The following EIF2A variants were observed in gnomAD, a reference collection of about 807,000 sequenced individuals.
The protein encoded by EIF2A is eukaryotic translation initiation factor 2A.
A neutral mutation model predicts 75.2 loss-of-function variants in EIF2A; 62 were observed. The observed-to-expected ratio is 0.82, with a 90% CI of 0.67 to 1.02. The LOEUF is 1.02. Ranked by LOEUF, EIF2A falls within the 50% of genes least tolerant of loss-of-function variation. The pLI, the probability that EIF2A is intolerant of heterozygous loss-of-function variation, is 0.00. For missense variants in EIF2A, 611 were observed against 677.7 expected (o/e 0.90, Z 1.09); for synonymous variants, 207 against 239.0 (o/e 0.87, Z 1.23).
At chr3:150,574,840 AGTTATG>A (rs1380593884) in intron 10 of EIF2A, among the ~76,000 whole-genome samples, 1 of 152,248 alleles carries the variant, frequency 6.6e-6, no homozygotes, top group African/African-American at 2.4e-5. Context: ...TGATGTGCTG[AGTTATG>A]GTACAGTCTA....
intron 9 of EIF2A, among the ~76,000 whole-genome samples, chr3:150,570,809 TC>T (rs1242067794): frequency 6.6e-6 from 1 of 151,868 alleles, no homozygotes; most frequent in Non-Finnish European, 1.5e-5. Context: ...ATGCCTGTAA[TC>T]AATCCCAGCA....
At chr3:150,547,881 CAA>C (rs1723128137) in intron 1 of EIF2A, among the ~76,000 whole-genome samples, 2 of 152,080 alleles carry the variant, frequency 1.3e-5, no homozygotes. Flanking sequence ...GTTTAAAAGG[CAA>C]AGTTACATAA....
chr3:150,580,427 C>T (rs1483279073), intron 11 of EIF2A, among the ~76,000 whole-genome samples: 2 of 152,106 alleles, frequency 1.3e-5, no homozygotes, highest in East Asian at 3.8e-4. Context: ...AATATGGTCT[C>T]TCAAAATATC....
intron 4 of EIF2A, 36 bp downstream of exon 4, chr3:150,562,696 G>A (rs777932283): frequency 8.0e-6 from 12 of 1,494,796 alleles, no homozygotes; most frequent in Middle Eastern, 1.7e-4. Flanking sequence ...ACTCTGACAC[G>A]ATCAATTACG....
intron 6 of EIF2A, chr3:150,566,803 T>A (rs891800949): frequency 6.6e-6 from 1 of 152,110 alleles, no homozygotes; most frequent in African/African-American, 2.4e-5. Flanking sequence ...TTAAAAAGGG[T>A]TTGCAGTTCT....
rs751997175 is a variant in EIF2A, at chr3:150,572,130, ATTAG to A, written c.986_989del (p.Leu329TyrfsTer2). 20 of 1,613,842 alleles carry A rather than the reference ATTAG, an allele frequency of 1.2e-5. No individual in the cohort carries two copies. Among genetic ancestry groups the A allele is most frequent in the Non-Finnish European group, 1.7e-5 (20 of 1,179,900 alleles). On this transcript the variant is annotated frameshift_variant, in exon 10 of 14. Transcript: ENST00000460851. LOFTEE classifies it high-confidence loss of function. ...CCTACTATAGCCCTCATGGACATATATTAGTATTAGCTGGATTTGGAAATCTGAG... is the reference window on the plus strand; with the variant it reads ...CCTACTATAGCCCTCATGGACATATATATTAGCTGGATTTGGAAATCTGAG...
chr3:150,551,101 T>C (rs1723292390), intron 1 of EIF2A, among the ~76,000 whole-genome samples: 1 of 152,184 alleles, frequency 6.6e-6, no homozygotes, highest in South Asian at 2.1e-4. Context: ...CCATTGATCC[T>C]TTACATCTCA....
chr3:150,563,295 T>C (rs1368584504), intron 4 of EIF2A, among the ~76,000 whole-genome samples: 1 of 152,184 alleles, frequency 6.6e-6, no homozygotes, highest in Non-Finnish European at 1.5e-5. Flanking sequence ...ATGAATCTAA[T>C]TTTTCCAAGT....
At position 150,584,175 on chromosome 3, in the gene EIF2A, C is replaced by A; in HGVS notation, c.*264C>A. 3.1e-6 allele frequency: 1 copy of A among 322,008 alleles called. No individual in the cohort carries two copies. Among genetic ancestry groups the A allele is most frequent in the Non-Finnish European group, 5.6e-6 (1 of 178,160 alleles). The allele number at this position is 322,008 out of a possible 1,614,324, so 19.9% of individuals were successfully genotyped here. A position where few individuals can be genotyped will look rare whatever the true frequency, so the allele number is the denominator to read the frequency against. On this transcript the variant is annotated 3_prime_UTR_variant, in exon 14 of 14. Transcript: ENST00000460851. ...TAGCTAAGCTTGACAGATTGAAAGA[C>A]AAGTGTCATTTTTTTTTGTAGAGGG...
chr3:150,556,686 T>A (rs1174730035), intron 2 of EIF2A, among the ~76,000 whole-genome samples: 2 of 152,204 alleles, frequency 1.3e-5, no homozygotes, highest in African/African-American at 4.8e-5. Context: ...ATTATCATAC[T>A]TTTTCTCTAT....
intron 11 of EIF2A, among the ~76,000 whole-genome samples, chr3:150,579,702 C>CAA (rs66761185): frequency 0.15 from 20,371 of 133,856 alleles, 1,442 homozygotes; most frequent in Non-Finnish European, 0.17. Context: ...ACTCTGTCTC[C>CAA]AAAAAAAAAA....
chr3:150,579,777 G>C (rs1416981025), intron 11 of EIF2A, among the ~76,000 whole-genome samples: 2 of 151,668 alleles, frequency 1.3e-5, no homozygotes, highest in Non-Finnish European at 2.9e-5. Flanking sequence ...TTTTAGAGTT[G>C]AATATCTAGA....
intron 12 of EIF2A, 152 bp from the exon 13 acceptor site, chr3:150,583,048 A>C: frequency 1.5e-6 from 1 of 679,928 alleles, no homozygotes; most frequent in Non-Finnish European, 2.4e-6. Context: ...TTTAACTTTA[A>C]AAAACAATTT....
chr3:150,562,725 G>A (rs1428349918), intron 4 of EIF2A, 65 bp downstream of exon 4: 6 of 1,174,452 alleles, frequency 5.1e-6, no homozygotes, highest in Non-Finnish European at 7.3e-6. Flanking sequence ...GGGGGAAAAA[G>A]TTATAAAGTT....
At chr3:150,561,492 C>A (rs1576592904) in intron 3 of EIF2A, among the ~76,000 whole-genome samples, 1 of 152,270 alleles carries the variant, frequency 6.6e-6, no homozygotes, top group East Asian at 1.9e-4. Flanking sequence ...GCAGGAGAAT[C>A]ACTTAAACCC....
chr3:150,549,663 C>G (rs898024311), intron 1 of EIF2A, among the ~76,000 whole-genome samples: 1 of 152,178 alleles, frequency 6.6e-6, no homozygotes, highest in Non-Finnish European at 1.5e-5. Flanking sequence ...GGCTAGCTGC[C>G]TTTGACTTTG....
chr3:150,569,172 T>G (rs1305464295), intron 9 of EIF2A, among the ~76,000 whole-genome samples: 1 of 152,152 alleles, frequency 6.6e-6, no homozygotes, highest in Non-Finnish European at 1.5e-5. Flanking sequence ...AAGTAAAATA[T>G]ATACAGTTTT....
At chr3:150,551,709 C>T (rs1723326504) in intron 1 of EIF2A, among the ~76,000 whole-genome samples, 3 of 152,104 alleles carry the variant, frequency 2.0e-5, no homozygotes. Context: ...GCCTGGGTGA[C>T]AGCAAGACCC....
At chr3:150,574,162 G>A (rs1246147180) in intron 10 of EIF2A, among the ~76,000 whole-genome samples, 1 of 152,102 alleles carries the variant, frequency 6.6e-6, no homozygotes, top group Non-Finnish European at 1.5e-5. Flanking sequence ...GCAGTGAGCT[G>A]AGAAATTAAA....
Sources: gnomAD v4.1 joint callset for allele counts (sites outside exome capture counted in the v4.1 genomes callset) on GRCh38, gnomAD v4.1.1 for gene constraint, MANE v1.5 for transcripts, NCBI Gene and HGNC (gene_info 2026-07-23, HGNC 2026-07-21) for gene names.